The following SLC39A11 variants were observed in gnomAD, a reference collection of about 807,000 sequenced individuals.
SLC39A11 encodes the protein solute carrier family 39 member 11.
A neutral mutation model predicts 36.1 loss-of-function variants in SLC39A11; 33 were observed. The observed-to-expected ratio is 0.91, with a 90% CI of 0.69 to 1.22. SLC39A11 has a LOEUF of 1.22. Ranked by LOEUF, SLC39A11 falls within the 50% of genes most tolerant of loss-of-function variation. The pLI is 0.00. For synonymous variants in SLC39A11, 166 were observed against 170.3 expected, an observed-to-expected ratio of 0.97 and a Z score of 0.20; for missense variants, 432 against 430.3, an observed-to-expected ratio of 1.00 and a Z score of -0.03.
At chr17:73,056,104 G>A (rs2059657948) in intron 3 of SLC39A11, among the ~76,000 whole-genome samples, 2 of 152,158 alleles carry the variant, frequency 1.3e-5, no homozygotes, top group African/African-American at 4.8e-5. Context: ...GGCCCCGTGA[G>A]GTCCCATCTT....
chr17:72,997,668 T>C (rs2089597980), intron 4 of SLC39A11, among the ~76,000 whole-genome samples: 1 of 152,250 alleles, frequency 6.6e-6, no homozygotes, highest in Non-Finnish European at 1.5e-5. Flanking sequence ...TTCATAGGTT[T>C]TAAATTGCAC....
At chr17:72,670,385 T>A (rs796687019) in intron 7 of SLC39A11, among the ~76,000 whole-genome samples, 26 of 146,666 alleles carry the variant, frequency 1.8e-4, no homozygotes, top group East Asian at 1.0e-3. Context: ...AAAAAAAAAA[T>A]GCAAATATCC....
intron 3 of SLC39A11, among the ~76,000 whole-genome samples, chr17:73,083,210 A>G (rs939069586): frequency 2.6e-5 from 4 of 152,148 alleles, no homozygotes; most frequent in African/African-American, 9.7e-5. Flanking sequence ...AAGGAAGGAA[A>G]GAAAGTAGGG....
intron 6 of SLC39A11, among the ~76,000 whole-genome samples, chr17:72,812,168 T>A (rs1335899428): frequency 6.6e-6 from 1 of 152,200 alleles, no homozygotes; most frequent in African/African-American, 2.4e-5. Flanking sequence ...GATACTATTA[T>A]GCTTGGAGAG....
chr17:72,716,992 TACACACACACACAC>T (rs367641582), intron 7 of SLC39A11, among the ~76,000 whole-genome samples: 3 of 126,448 alleles, frequency 2.4e-5, no homozygotes, highest in East Asian at 2.3e-4. Context: ...TATATATATA[TACACACACACACAC>T]ACACACACAC....
intron 7 of SLC39A11, among the ~76,000 whole-genome samples, chr17:72,729,405 T>TTTTA (rs1351785432): frequency 1.7e-4 from 5 of 29,244 alleles, no homozygotes; most frequent in Non-Finnish European, 2.9e-4. Context: ...ACCTGGCTAT[T>TTTTA]TATATATATA....
intron 3 of SLC39A11, among the ~76,000 whole-genome samples, chr17:73,063,850 A>T (rs1338167643): frequency 6.6e-6 from 1 of 152,202 alleles, no homozygotes. Context: ...TGTTCAGCAA[A>T]TTCACGTCTG....
intron 5 of SLC39A11, among the ~76,000 whole-genome samples, chr17:72,877,872 G>A (rs542406054): frequency 6.6e-6 from 1 of 151,622 alleles, no homozygotes; most frequent in Admixed American, 6.6e-5. Flanking sequence ...ACAACATGCA[G>A]GTTTGTTACA....
chr17:72,928,741 G>A (rs1370468885), intron 5 of SLC39A11, among the ~76,000 whole-genome samples: 1 of 152,200 alleles, frequency 6.6e-6, no homozygotes, highest in Admixed American at 6.5e-5. Context: ...AGATTGAAAA[G>A]GCTTCTAGAT....
chr17:73,000,209 G>A (rs1164949548), intron 4 of SLC39A11, among the ~76,000 whole-genome samples: 2 of 151,830 alleles, frequency 1.3e-5, no homozygotes, highest in Non-Finnish European at 2.9e-5. Context: ...ATCAGCTGAG[G>A]GATCCATTTC....
At chr17:72,847,295 C>G (rs113178850) in intron 6 of SLC39A11, among the ~76,000 whole-genome samples, 2 of 151,828 alleles carry the variant, frequency 1.3e-5, no homozygotes, top group Non-Finnish European at 2.9e-5. Flanking sequence ...CCCAGCTACT[C>G]GGGAGGCCGA....
chr17:72,785,299 C>G (rs1029531336), intron 6 of SLC39A11, among the ~76,000 whole-genome samples: 2 of 152,212 alleles, frequency 1.3e-5, no homozygotes, highest in African/African-American at 4.8e-5. Flanking sequence ...TCTCCTCTCT[C>G]ATTTCTTCCT....
At chr17:73,020,426 C>G (rs2058302951) in intron 4 of SLC39A11, among the ~76,000 whole-genome samples, 1 of 152,184 alleles carries the variant, frequency 6.6e-6, no homozygotes, top group South Asian at 2.1e-4. Flanking sequence ...CTGAATCTGC[C>G]AGCACCTTGA....
intron 3 of SLC39A11, among the ~76,000 whole-genome samples, chr17:73,034,472 T>C (rs2058839486): frequency 6.6e-6 from 1 of 152,234 alleles, no homozygotes; most frequent in Admixed American, 6.5e-5. Flanking sequence ...TCTGCCTACC[T>C]TGGCCTCCCA....
chr17:73,051,686 T>A (rs138922844), intron 3 of SLC39A11, among the ~76,000 whole-genome samples: 4 of 21,958 alleles, frequency 1.8e-4, no homozygotes, highest in African/African-American at 6.9e-4. Context: ...GGTGAAACCC[T>A]GTGTCTACAA....
Position 72,647,471 on chromosome 17 carries a change from G to C in SLC39A11, c.*113C>G. ...GAGTCAATCAGGATAATGAGATGAA[G>C]AAGAGAGGAAGGAAAAAAGTTTTAA... is the stretch of plus-strand genomic sequence containing the variant. On this transcript the variant is annotated 3_prime_UTR_variant, in exon 10 of 10. Coordinates refer to ENST00000255559, the MANE Select transcript of SLC39A11 (RefSeq NM_139177.4). The C allele has an allele frequency of 1.3e-6, 1 of 766,176 alleles. No homozygotes were observed. Among genetic ancestry groups the C allele is most frequent in the Non-Finnish European group, 2.1e-6 (1 of 467,942 alleles). The allele number at this position is 766,176 out of a possible 1,614,324, so 47.5% of individuals were successfully genotyped here.
intron 6 of SLC39A11, among the ~76,000 whole-genome samples, chr17:72,754,557 A>AT (rs1285529714): frequency 6.7e-6 from 1 of 150,062 alleles, no homozygotes; most frequent in Non-Finnish European, 1.5e-5. Context: ...TGTGGGAATC[A>AT]TAAAGGTAGG....
chr17:72,876,797 A>G (rs1448355384), intron 5 of SLC39A11, among the ~76,000 whole-genome samples: 1 of 152,146 alleles, frequency 6.6e-6, no homozygotes, highest in Non-Finnish European at 1.5e-5. Flanking sequence ...CTGACCTCCT[A>G]TCTCCTCAGC....
intron 4 of SLC39A11, among the ~76,000 whole-genome samples, chr17:73,002,764 A>T (rs1433315408): frequency 6.6e-6 from 1 of 152,320 alleles, no homozygotes; most frequent in Non-Finnish European, 1.5e-5. Context: ...AGAAATGCAA[A>T]ATCAGTATCA....
Sources: allele counts gnomAD v4.1 joint callset (sites outside exome capture counted in the v4.1 genomes callset), GRCh38; gene constraint gnomAD v4.1.1; transcripts MANE v1.5; gene names NCBI Gene and HGNC (gene_info 2026-07-23, HGNC 2026-07-21).